Variants in ZGPAT observed in about 807,000 individuals in gnomAD.
ZGPAT encodes zinc finger CCCH-type and G-patch domain containing, also known as zinc finger CCCH-type with G patch domain-containing protein.
Under a neutral mutation model 47.9 loss-of-function variants are expected in ZGPAT, and 39 were observed. That is an observed-to-expected ratio of 0.81 (90% confidence interval 0.63 to 1.06). ZGPAT has a LOEUF of 1.06. Ranked by LOEUF, ZGPAT falls within the 50% of genes least tolerant of loss-of-function variation. The pLI is 0.00. For synonymous variants in ZGPAT, 348 were observed against 292.9 expected (o/e 1.19, Z -1.92); for missense variants, 717 against 681.4 (o/e 1.05, Z -0.58).
chr20:63,730,815 C>G (rs2091890025), intron 2 of ZGPAT, among the ~76,000 whole-genome samples: 1 of 152,080 alleles, frequency 6.6e-6, no homozygotes. Flanking sequence ...AAAGAACTTC[C>G]TTTTTGAAAC....
At chr20:63,715,715 A>T (rs1246233886) in intron 2 of ZGPAT, among the ~76,000 whole-genome samples, 1 of 152,186 alleles carries the variant, frequency 6.6e-6, no homozygotes. Context: ...TATTGGCCTC[A>T]TAGAATGAGT....
At position 63,732,632 on chromosome 20, in the gene ZGPAT, G is replaced by A. The variant is rs192601363; in HGVS notation, c.585-587G>A. Among the ~76,000 whole-genome samples the A allele has an allele frequency of 1.4e-3, 180 of 128,852 alleles. 2 individuals are homozygous for A. The highest frequency in any genetic ancestry group is 5.1e-3 in the African/African-American group (168 of 33,130). The allele number at this position is 128,852 out of a possible 152,430, so 84.5% of individuals were successfully genotyped here. A position where few individuals can be genotyped will look rare whatever the true frequency, so the allele number is the denominator to read the frequency against. Reference sequence around the variant, plus strand: ...CAGGGTCTCTGTGTATGTGTATGACGTGTGAGTACATGTGTTAATGTGTGT... The same window carrying A: ...CAGGGTCTCTGTGTATGTGTATGACATGTGAGTACATGTGTTAATGTGTGT... On this transcript the variant is annotated intron_variant, in intron 2 of 6. Transcript: ENST00000355969.
At chr20:63,732,448 TAA>T (rs1329338894) in intron 2 of ZGPAT, among the ~76,000 whole-genome samples, 1 of 66,318 alleles carries the variant, frequency 1.5e-5, no homozygotes. Context: ...TGTGTGTAGG[TAA>T]GGGTGCTTGT....
chr20:63,714,604 TATATTC>T (rs1460314629), intron 2 of ZGPAT, among the ~76,000 whole-genome samples: 1 of 152,070 alleles, frequency 6.6e-6, no homozygotes, highest in Non-Finnish European at 1.5e-5. Context: ...GAAATTCTCT[TATATTC>T]ATAGTGTGTT....
intron 2 of ZGPAT, among the ~76,000 whole-genome samples, chr20:63,716,665 C>T (rs935064794): frequency 1.3e-5 from 2 of 151,652 alleles, no homozygotes; most frequent in African/African-American, 4.8e-5. Flanking sequence ...TGTGAGCCAC[C>T]ACACCCAGCT....
intron 2 of ZGPAT, among the ~76,000 whole-genome samples, chr20:63,716,467 G>T (rs1207653430): frequency 6.6e-6 from 1 of 151,322 alleles, no homozygotes; most frequent in Non-Finnish European, 1.5e-5. Context: ...AGTAGTAATA[G>T]CTCCACTTTC....
chr20:63,714,586 G>C (rs578008042), intron 2 of ZGPAT, among the ~76,000 whole-genome samples: 1 of 151,888 alleles, frequency 6.6e-6, no homozygotes, highest in Non-Finnish European at 1.5e-5. Flanking sequence ...TCCCTTTATC[G>C]AGTTGAGGAA....
intron 2 of ZGPAT, among the ~76,000 whole-genome samples, chr20:63,713,730 G>C (rs972194362): frequency 6.6e-6 from 1 of 151,588 alleles, no homozygotes; most frequent in Non-Finnish European, 1.5e-5. Flanking sequence ...AATTAGTCTG[G>C]CATGGTGGCA....
rs186853981 is a variant in ZGPAT, at chr20:63,719,043, G to A, written c.584+9879G>A. Reference sequence around the variant, plus strand: ...ATCACACCACTGTACTCCAGCCTGGGCAACAGTGCGAGACTCCATCTCAAA... The same window carrying A: ...ATCACACCACTGTACTCCAGCCTGGACAACAGTGCGAGACTCCATCTCAAA... On this transcript the variant is annotated intron_variant, in intron 2 of 6. Transcript: ENST00000355969. 3.4e-3 allele frequency among the ~76,000 whole-genome samples: 484 copies of A among 140,972 alleles called. 5 individuals carry two copies. Among genetic ancestry groups the A allele is most frequent in the African/African-American group, 0.012 (459 of 38,158 alleles). The allele number at this position is 140,972 out of a possible 152,430, so 92.5% of individuals were successfully genotyped here.
chr20:63,718,704 C>T (rs1278835438), intron 2 of ZGPAT, among the ~76,000 whole-genome samples: 1 of 152,034 alleles, frequency 6.6e-6, no homozygotes, highest in Non-Finnish European at 1.5e-5. Flanking sequence ...TGTCATCCCT[C>T]CTCGGCCTCC....
intron 2 of ZGPAT, among the ~76,000 whole-genome samples, chr20:63,725,752 C>T (rs2091838439): frequency 6.8e-6 from 1 of 146,582 alleles, no homozygotes; most frequent in South Asian, 2.2e-4. Context: ...TGTTGGTGTG[C>T]GTTCTCTAAA....
At position 63,708,704 on chromosome 20, in the gene ZGPAT, G is replaced by A. The variant is rs1344925425; in HGVS notation, c.124G>A (p.Asp42Asn). 1.1e-5 allele frequency: 17 copies of A among 1,612,690 alleles called. No homozygotes were observed. Among genetic ancestry groups the A allele is most frequent in the African/African-American group, 5.3e-5 (4 of 74,932 alleles). The stretch of plus-strand genomic sequence containing the variant: ...GGCTGACCTGCGCCAGCTGCAGGGG[G>A]ACCTGAAGGAGCTCATCGAGCTCAC... ...EQADLRQLQG[D>N]LKELIELTEA... The change falls in exon 2 of 7, where the codon GAC becomes AAC. Residue 42 changes from aspartate (D) to asparagine (N), a missense_variant. Physicochemically the swap from Asp to Asn is conservative, Grantham distance 23. Transcript: ENST00000355969.
rs367688876 is a variant in ZGPAT at position 63,733,104 on chromosome 20, G to A, written c.585-115G>A. ...TGTGAGAGTGTGTATGTATACGCACGCGTGTGTGTCTGTCTCCCTCAGGAC... is the reference window on the plus strand; with the variant it reads ...TGTGAGAGTGTGTATGTATACGCACACGTGTGTGTCTGTCTCCCTCAGGAC... On this transcript the variant is annotated intron_variant, in intron 2 of 6. Transcript: ENST00000355969. The A allele has an allele frequency of 1.5e-4, 208 of 1,373,742 alleles. No individual in the cohort carries two copies. The South Asian group carries it at 1.8e-3, about 12-fold the overall frequency. 85.1% of individuals were successfully genotyped at this position (1,373,742 alleles called of 1,614,324 possible).
chr20:63,721,264 A>G (rs1040114952), intron 2 of ZGPAT, among the ~76,000 whole-genome samples: 2 of 152,070 alleles, frequency 1.3e-5, no homozygotes, highest in African/African-American at 4.8e-5. Flanking sequence ...AGGCAGGAGA[A>G]TCGCTTCAAC....
chr20:63,725,977 C>T (rs1346418738), intron 2 of ZGPAT, among the ~76,000 whole-genome samples: 4 of 151,006 alleles, frequency 2.6e-5, no homozygotes, highest in Non-Finnish European at 5.9e-5. Flanking sequence ...TTGGGACTAC[C>T]GGAGTGTGCC....
intron 2 of ZGPAT, among the ~76,000 whole-genome samples, chr20:63,715,301 G>A (rs574062269): frequency 3.2e-4 from 48 of 147,934 alleles, no homozygotes; most frequent in Admixed American, 8.2e-4. Flanking sequence ...AGTGAGTGGC[G>A]CGATCTCGGC....
chr20:63,712,941 A>C (rs1251768950), intron 2 of ZGPAT, among the ~76,000 whole-genome samples: 1 of 152,142 alleles, frequency 6.6e-6, no homozygotes, highest in South Asian at 2.1e-4. Context: ...AAGTCTTCCA[A>C]TTCATGAATG....
At chr20:63,724,754 A>G (rs2091826219) in intron 2 of ZGPAT, among the ~76,000 whole-genome samples, 2 of 149,162 alleles carry the variant, frequency 1.3e-5, no homozygotes, top group Admixed American at 6.7e-5. Context: ...GATCACTGCA[A>G]CCTCTGCCTC....
chr20:63,708,509 G>A, intron 1 of ZGPAT, 44 bp from the exon 2 acceptor site: 2 of 1,422,766 alleles, frequency 1.4e-6, no homozygotes, highest in African/African-American at 1.4e-5. Flanking sequence ...AGGCTGTGGG[G>A]TCGGTCCCGA....
Sources: gnomAD v4.1 joint callset for allele counts (sites outside exome capture counted in the v4.1 genomes callset) on GRCh38, gnomAD v4.1.1 for gene constraint, MANE v1.5 for transcripts, NCBI Gene and HGNC (gene_info 2026-07-23, HGNC 2026-07-21) for gene names.